Variants in GTF2A1 observed in about 807,000 individuals in gnomAD.
The protein encoded by GTF2A1 is general transcription factor IIA subunit 1, also known as transcription initiation factor IIA subunit 1.
Under a neutral mutation model 54.1 loss-of-function variants are expected in GTF2A1, and 12 were observed. The observed-to-expected ratio is 0.22, with a 90% CI of 0.14 to 0.36. GTF2A1 has a LOEUF of 0.36. Ranked by LOEUF, GTF2A1 falls within the 10% of genes least tolerant of loss-of-function variation. The pLI, the probability that GTF2A1 is intolerant of heterozygous loss-of-function variation, is 1.00. For synonymous variants in GTF2A1, 145 were observed against 152.0 expected (o/e 0.95, Z 0.34); for missense variants, 335 against 442.2 (o/e 0.76, Z 2.17).
chr14:81,210,349 T>C (rs1450649151), intron 2 of GTF2A1, among the ~76,000 whole-genome samples: 1 of 152,184 alleles, frequency 6.6e-6, no homozygotes, highest in Admixed American at 6.5e-5. Flanking sequence ...TAATTTTATT[T>C]ATCAAAATAT....
Position 81,187,135 on chromosome 14 carries a change from A to G in GTF2A1, c.934-1515T>C, listed in dbSNP as rs562589934. ...TTTGGGAGGCTGAGGCAGGCAGATC[A>G]CGAGGTCAGGAGATCGAGACCATCC... On this transcript the variant is annotated intron_variant, in intron 7 of 8. Coordinates refer to ENST00000553612, the MANE Select transcript of GTF2A1 (RefSeq NM_015859.4). Among the ~76,000 whole-genome samples, 6 of 152,124 alleles carry G rather than the reference A, an allele frequency of 3.9e-5. No individual in the cohort carries two copies. In the East Asian group the frequency reaches 1.2e-3, roughly 29 times the overall value.
intron 3 of GTF2A1, among the ~76,000 whole-genome samples, chr14:81,203,518 C>T (rs186685740): frequency 5.3e-5 from 8 of 152,220 alleles, no homozygotes; most frequent in Admixed American, 5.2e-4. Flanking sequence ...AACTATTGTA[C>T]CATATAAAAT....
intron 7 of GTF2A1, among the ~76,000 whole-genome samples, chr14:81,189,808 A>G (rs1391573491): frequency 6.6e-6 from 1 of 152,222 alleles, no homozygotes. Flanking sequence ...TTCAAAGCAT[A>G]TACAAAAACT....
At chr14:81,201,762 T>C (rs994500942) in intron 3 of GTF2A1, 104 bp from the exon 4 acceptor site, 2 of 747,576 alleles carry the variant, frequency 2.7e-6, no homozygotes, top group African/African-American at 1.8e-5. Flanking sequence ...ATGTTTTTCA[T>C]GTTTTCTGCA....
chr14:81,190,898 T>C (rs1195447721), intron 7 of GTF2A1, among the ~76,000 whole-genome samples: 4 of 152,068 alleles, frequency 2.6e-5, no homozygotes, highest in Non-Finnish European at 5.9e-5. Flanking sequence ...CAAAAGACAT[T>C]AGGACGGTGG....
chr14:81,218,864 C>T (rs1893543686), intron 1 of GTF2A1, among the ~76,000 whole-genome samples: 1 of 150,714 alleles, frequency 6.6e-6, no homozygotes, highest in Non-Finnish European at 1.5e-5. Context: ...CATAAATGGT[C>T]CTATACTGAA....
intron 2 of GTF2A1, among the ~76,000 whole-genome samples, chr14:81,209,705 G>A (rs922954620): frequency 1.3e-5 from 2 of 152,148 alleles, no homozygotes; most frequent in Non-Finnish European, 2.9e-5. Flanking sequence ...ATTACTTGGA[G>A]GTCCCTGAAT....
chr14:81,199,322 A>C (rs1481321305), intron 4 of GTF2A1, among the ~76,000 whole-genome samples: 1 of 152,168 alleles, frequency 6.6e-6, no homozygotes, highest in African/African-American at 2.4e-5. Context: ...CCTTATACTT[A>C]ATAACTATTA....
intron 8 of GTF2A1, among the ~76,000 whole-genome samples, chr14:81,184,416 T>C (rs1176510053): frequency 6.6e-6 from 1 of 152,138 alleles, no homozygotes; most frequent in Non-Finnish European, 1.5e-5. Context: ...CTGCACATGG[T>C]ATATGGTTTT....
intron 4 of GTF2A1, among the ~76,000 whole-genome samples, chr14:81,199,246 G>A (rs941300331): frequency 1.3e-5 from 2 of 152,070 alleles, no homozygotes; most frequent in African/African-American, 4.8e-5. Context: ...ATAACTACCT[G>A]CACACCCTCC....
intron 7 of GTF2A1, 81 bp downstream of exon 7, chr14:81,192,438 G>C: frequency 9.7e-7 from 1 of 1,033,568 alleles, no homozygotes; most frequent in Non-Finnish European, 1.4e-6. Context: ...GAAAAAAACA[G>C]GATATAATTT....
rs1419902730 is a variant in GTF2A1 at position 81,211,875 on chromosome 14, T to TATATATATATATATATA, written c.132+4537_132+4538insTATATATATATATATAT. Among the ~76,000 whole-genome samples the TATATATATATATATATA allele has an allele frequency of 9.7e-3, 663 of 68,338 alleles. 42 individuals carry two copies. Among genetic ancestry groups the TATATATATATATATATA allele is most frequent in the Middle Eastern group, 0.019 (2 of 104 alleles). 44.8% of individuals were successfully genotyped at this position (68,338 alleles called of 152,430 possible). A position where few individuals can be genotyped will look rare whatever the true frequency, so the allele number is the denominator to read the frequency against. ...ACATAATTAGAGTGTATCAAGTACT[T>TATATATATATATATATA]TATATATATATATATATATATATAT... On this transcript the variant is annotated intron_variant, in intron 2 of 8. Transcript: ENST00000553612.
intron 8 of GTF2A1, among the ~76,000 whole-genome samples, chr14:81,184,537 C>G (rs1892701363): frequency 6.6e-6 from 1 of 152,158 alleles, no homozygotes; most frequent in South Asian, 2.1e-4. Context: ...CTAACTCCAC[C>G]TTTTTATTAG....
In GTF2A1 at chr14:81,194,546, C is replaced by G. The variant is rs560720324; in HGVS notation, c.612+1562G>C. 9.2e-5 allele frequency among the ~76,000 whole-genome samples: 14 copies of G among 152,280 alleles called. No individual in the cohort carries two copies. In the East Asian group the frequency reaches 2.3e-3, roughly 25 times the overall value. ...AGTACTGCTCTGATCTTGTCTCTATCATAATACTATTTTACTGACATTTAA... is the reference window on the plus strand; with the variant it reads ...AGTACTGCTCTGATCTTGTCTCTATGATAATACTATTTTACTGACATTTAA... On this transcript the variant is annotated intron_variant, in intron 6 of 8. Transcript: ENST00000553612.
chr14:81,200,638 A>G (rs1177083422), intron 4 of GTF2A1, among the ~76,000 whole-genome samples: 1 of 151,940 alleles, frequency 6.6e-6, no homozygotes, highest in Non-Finnish European at 1.5e-5. Flanking sequence ...AAAAAAAAAA[A>G]AAAACTTGAA....
At chr14:81,184,936 A>G (rs1433989736) in intron 8 of GTF2A1, among the ~76,000 whole-genome samples, 1 of 152,216 alleles carries the variant, frequency 6.6e-6, no homozygotes, top group Non-Finnish European at 1.5e-5. Context: ...AATGTAACAA[A>G]AATACTTGGA....
chr14:81,201,133 TGACTTATTA>T (rs1893101084), intron 4 of GTF2A1, among the ~76,000 whole-genome samples: 1 of 152,200 alleles, frequency 6.6e-6, no homozygotes, highest in Non-Finnish European at 1.5e-5. Flanking sequence ...CACACTATAA[TGACTTATTA>T]GACTATACTA....
chr14:81,218,172 A>G (rs911952833), intron 1 of GTF2A1, among the ~76,000 whole-genome samples: 1 of 152,138 alleles, frequency 6.6e-6, no homozygotes. Context: ...ATAAATCTCA[A>G]ATTGACAATA....
At chr14:81,209,924 T>C in intron 2 of GTF2A1, 2 of 1,269,168 alleles carry the variant, frequency 1.6e-6, no homozygotes, top group South Asian at 1.2e-5. Flanking sequence ...GCAGCAACTG[T>C]CTTATTCAGG....
Sources: gnomAD v4.1 joint callset for allele counts (sites outside exome capture counted in the v4.1 genomes callset) on GRCh38, gnomAD v4.1.1 for gene constraint, MANE v1.5 for transcripts, NCBI Gene and HGNC (gene_info 2026-07-23, HGNC 2026-07-21) for gene names.